CWH43: variants seen among roughly 807,000 people sequenced by gnomAD.
CWH43 encodes the protein PGAP2-interacting protein.
Under a neutral mutation model 85.7 loss-of-function variants are expected in CWH43, and 91 were observed. That is an observed-to-expected ratio of 1.06 (90% confidence interval 0.90 to 1.26). CWH43 has a LOEUF of 1.26. CWH43 is among the 50% of genes most tolerant of loss of function. CWH43 has a pLI of 0.00. For missense variants in CWH43, 869 were observed against 839.2 expected (o/e 1.04, Z -0.44); for synonymous variants, 323 against 293.6 (o/e 1.10, Z -1.02).
At chr4:49,053,714 CAAGT>C (rs1784867623) in intron 15 of CWH43, among the ~76,000 whole-genome samples, 1 of 152,068 alleles carries the variant, frequency 6.6e-6, no homozygotes, top group Admixed American at 6.5e-5. Context: ...TTGAACATCT[CAAGT>C]AAAAAAATCC....
At chr4:49,040,216 G>A (rs1784413871) in intron 13 of CWH43, among the ~76,000 whole-genome samples, 1 of 152,162 alleles carries the variant, frequency 6.6e-6, no homozygotes, top group South Asian at 2.1e-4. Context: ...ACGTGTGCAT[G>A]TGTCTTAATA....
chr4:48,986,378 G>C lies in CWH43; in HGVS notation c.-52G>C, dbSNP rs1782494254. The C allele has an allele frequency of 6.5e-7, 1 of 1,529,910 alleles. No individual in the cohort carries two copies. The highest frequency in any genetic ancestry group is 2.0e-5 in the Admixed American group (1 of 50,360). The allele number at this position is 1,529,910 out of a possible 1,614,324, so 94.8% of individuals were successfully genotyped here. On this transcript the variant is annotated 5_prime_UTR_variant, in exon 1 of 16. Coordinates refer to ENST00000226432, the MANE Select transcript of CWH43 (RefSeq NM_025087.3). ...AACCTGGGGGCGCAGGGCTAGGGCA[G>C]CGGGCCCGACCCGCACGGCTTTCCT... is the stretch of plus-strand genomic sequence containing the variant.
At chr4:49,032,823 C>A in intron 12 of CWH43, 108 bp downstream of exon 12, 1 of 1,363,326 alleles carries the variant, frequency 7.3e-7, no homozygotes, top group South Asian at 1.3e-5. Context: ...TTTTTTACCT[C>A]CCAAAGTATT....
chr4:49,020,447 C>A (rs1253029931), intron 9 of CWH43, among the ~76,000 whole-genome samples: 1 of 121,904 alleles, frequency 8.2e-6, no homozygotes, highest in Non-Finnish European at 1.9e-5. Context: ...TTTTCTTTAT[C>A]CACTTGTTGA....
intron 13 of CWH43, among the ~76,000 whole-genome samples, chr4:49,039,901 A>C (rs1784403065): frequency 6.7e-6 from 1 of 149,572 alleles, no homozygotes; most frequent in Non-Finnish European, 1.5e-5. Context: ...CCCCGTCCCC[A>C]CACCCCACAA....
intron 10 of CWH43, among the ~76,000 whole-genome samples, chr4:49,029,379 G>C (rs867754748): frequency 6.6e-6 from 1 of 152,252 alleles, no homozygotes; most frequent in Middle Eastern, 3.4e-3. Context: ...GATTAACCAG[G>C]GGCACAATGC....
chr4:49,052,061 A>AT (rs1259775794), intron 15 of CWH43, among the ~76,000 whole-genome samples: 1 of 152,086 alleles, frequency 6.6e-6, no homozygotes, highest in Admixed American at 6.6e-5. Flanking sequence ...AACATTTCTC[A>AT]TTTTTTTGGG....
At chr4:49,016,555 C>T in intron 8 of CWH43, 6 of 683,112 alleles carry the variant, frequency 8.8e-6, no homozygotes, top group South Asian at 8.2e-5. Context: ...TTGGCCTGGT[C>T]TCAACCATTA....
At chr4:49,012,338 C>A (rs1181376593) in intron 8 of CWH43, among the ~76,000 whole-genome samples, 1 of 152,180 alleles carries the variant, frequency 6.6e-6, no homozygotes, top group African/African-American at 2.4e-5. Flanking sequence ...CATTTAGGGT[C>A]TTCTCTACAC....
At chr4:49,037,295 G>A (rs1784290096) in intron 12 of CWH43, among the ~76,000 whole-genome samples, 1 of 152,214 alleles carries the variant, frequency 6.6e-6, no homozygotes, top group Admixed American at 6.5e-5. Context: ...GTTGGGCTGG[G>A]CGCAGTGGCT....
rs749533750 is a variant in CWH43 at position 48,991,976 on chromosome 4, CTTG to C, written c.403_405del (p.Val135del). 104 of 1,613,678 alleles carry C rather than the reference CTTG, an allele frequency of 6.4e-5. No homozygotes were observed. In the East Asian group the frequency reaches 1.4e-3, roughly 22 times the overall value. Reference sequence around the variant, plus strand: ...GGGATTCATTTTAGGACAGATTGTTCTTGTTGTTCTACGCATATGGTATACTTC... The same window carrying C: ...GGGATTCATTTTAGGACAGATTGTTCTTGTTCTACGCATATGGTATACTTC... On this transcript the variant is annotated inframe_deletion, in exon 4 of 16. Coordinates refer to ENST00000226432, the MANE Select transcript of CWH43 (RefSeq NM_025087.3).
In CWH43 at chr4:48,988,548, C is replaced by A; in HGVS notation, c.115C>A (p.Leu39Ile). The change falls in exon 2 of 16, where the codon CTC becomes ATC. Residue 39 changes from leucine to isoleucine, a missense_variant. By Grantham distance (5) the Leu-to-Ile change is conservative (BLOSUM62 2). Around this residue, in one of 3 missense-constraint regions of CWH43, gnomAD observed 140 missense variants for 122.6 expected, o/e 1.14. Transcript: ENST00000226432. ...TTACTTTCCTTTGCAAACACTAGAA[C>A]TCACTGGGCTTGAAGGTTTTAGTAT... The part of the protein sequence containing the change: ...IYYFPLQTLE[L>I]TGLEGFSIAF... The A allele has an allele frequency of 6.2e-7, 1 of 1,613,480 alleles. No individual in the cohort carries two copies. Among genetic ancestry groups the A allele is most frequent in the Non-Finnish European group, 8.5e-7 (1 of 1,179,644 alleles).
At chr4:49,042,066 A>C (rs1314790025) in intron 13 of CWH43, among the ~76,000 whole-genome samples, 1 of 152,198 alleles carries the variant, frequency 6.6e-6, no homozygotes, top group Non-Finnish European at 1.5e-5. Flanking sequence ...TTAAAACAAC[A>C]GCCGTCATCT....
intron 2 of CWH43, 71 bp from the exon 3 acceptor site, chr4:48,991,383 A>G (rs1782649249): frequency 4.5e-6 from 7 of 1,562,714 alleles, no homozygotes; most frequent in African/African-American, 1.4e-5. Context: ...GATAACATGC[A>G]TCAAATGCAG....
intron 1 of CWH43, among the ~76,000 whole-genome samples, chr4:48,988,221 C>T (rs772678907): frequency 1.3e-5 from 2 of 152,156 alleles, no homozygotes; most frequent in African/African-American, 2.4e-5. Context: ...TGACATTTCA[C>T]GAGGAAATTG....
chr4:49,060,301 G>A (rs1785109609), intron 15 of CWH43, among the ~76,000 whole-genome samples: 2 of 152,154 alleles, frequency 1.3e-5, no homozygotes, highest in South Asian at 4.1e-4. Flanking sequence ...AGCTGGGGTA[G>A]GCATAAAGGC....
At chr4:49,007,075 A>T in intron 7 of CWH43, 126 bp from the exon 8 acceptor site, 1 of 1,078,640 alleles carries the variant, frequency 9.3e-7, no homozygotes, top group East Asian at 2.7e-5. Flanking sequence ...AGGTTCTGAG[A>T]TAAATTAAAT....
At position 49,046,112 on chromosome 4, in the gene CWH43, T is replaced by C. The variant is rs531252329; in HGVS notation, c.1865+1265T>C. On this transcript the variant is annotated intron_variant, in intron 14 of 15. Transcript: ENST00000226432. Reference sequence around the variant, plus strand: ...TATTATTATACTGTAAGTTTTAGGGTACATGTGCACAATCTACATTTCTTA... The same window carrying C: ...TATTATTATACTGTAAGTTTTAGGGCACATGTGCACAATCTACATTTCTTA... 9.2e-5 allele frequency among the ~76,000 whole-genome samples: 14 copies of C among 152,268 alleles called. No individual in the cohort carries two copies. The South Asian group carries it at 2.5e-3, about 27-fold the overall frequency.
chr4:49,012,378 T>C (rs1308799658), intron 8 of CWH43, among the ~76,000 whole-genome samples: 1 of 152,210 alleles, frequency 6.6e-6, no homozygotes, highest in Non-Finnish European at 1.5e-5. Flanking sequence ...TCGTCTAACA[T>C]TTTTCAAGGT....
Sources: gnomAD v4.1 joint callset for allele counts (sites outside exome capture counted in the v4.1 genomes callset) on GRCh38, gnomAD v4.1.1 for gene constraint, gnomAD v4.1.1 regional missense constraint, MANE v1.5 for transcripts, NCBI Gene and HGNC (gene_info 2026-07-23, HGNC 2026-07-21) for gene names.